The following TRDN variants were observed in gnomAD, a reference collection of about 807,000 sequenced individuals.
TRDN encodes the protein triadin.
A neutral mutation model predicts 149.7 loss-of-function variants in TRDN; 161 were observed. The observed-to-expected ratio is 1.08, with a 90% confidence interval of 0.95 to 1.23. The LOEUF (loss-of-function observed/expected upper bound fraction) is 1.23, where lower values mean the gene tolerates loss of function less well. Among genes scored for constraint, TRDN ranks in the 50% most tolerant of loss-of-function variants. TRDN has a pLI of 0.00. For synonymous variants in TRDN, 294 were observed against 250.5 expected, an observed-to-expected ratio of 1.17 and a Z score of -1.64; for missense variants, 896 against 823.5, an observed-to-expected ratio of 1.09 and a Z score of -1.08.
At chr6:123,540,120 T>G (rs530703441) in intron 4 of TRDN, among the ~76,000 whole-genome samples, 9 of 152,352 alleles carry the variant, frequency 5.9e-5, no homozygotes, top group African/African-American at 2.2e-4. Context: ...TAACCCACCC[T>G]TCATTTCCAA....
chr6:123,580,919 G>T (rs1419477906), intron 1 of TRDN, among the ~76,000 whole-genome samples: 1 of 152,106 alleles, frequency 6.6e-6, no homozygotes, highest in Non-Finnish European at 1.5e-5. Context: ...TTGAAAACTA[G>T]AATTCATTTC....
At chr6:123,362,298 C>G (rs1241854004) in intron 20 of TRDN, among the ~76,000 whole-genome samples, 2 of 152,062 alleles carry the variant, frequency 1.3e-5, no homozygotes, top group Non-Finnish European at 2.9e-5. Flanking sequence ...TCTAATCTGC[C>G]TATTTCAAAA....
At chr6:123,502,808 C>T (rs1221151910) in intron 8 of TRDN, 1 of 985,096 alleles carries the variant, frequency 1.0e-6, no homozygotes, top group Non-Finnish European at 1.2e-6. Flanking sequence ...TGCAATGTCT[C>T]CAAGAAACAC....
chr6:123,528,863 T>C, intron 5 of TRDN: 1 of 1,026,400 alleles, frequency 9.7e-7, no homozygotes, highest in South Asian at 3.8e-5. Context: ...CAACTGAAGC[T>C]CTACTTTCAC....
At chr6:123,269,964 G>A in intron 30 of TRDN, 98 bp from the exon 31 acceptor site, 2 of 1,174,568 alleles carry the variant, frequency 1.7e-6, no homozygotes, top group South Asian at 3.2e-5. Flanking sequence ...TTAGTTTTAG[G>A]TCACCTCCTT....
chr6:123,250,912 A>G (rs1233659823), intron 38 of TRDN, among the ~76,000 whole-genome samples: 2 of 152,082 alleles, frequency 1.3e-5, no homozygotes, highest in East Asian at 3.9e-4. Flanking sequence ...TCTTTCCAAC[A>G]CTACACCTCA....
rs569176445 is a variant in TRDN at position 123,216,500 on chromosome 6, A to G, written c.*2101T>C. The G allele has an allele frequency of 1.3e-5, 2 of 152,136 alleles. No homozygotes were observed. The highest frequency in any genetic ancestry group is 3.9e-4 in the East Asian group (2 of 5,152). 9.4% of individuals were successfully genotyped at this position (152,136 alleles called of 1,614,324 possible). ...CTGATTTGTCTAAATTCTAATTACA[A>G]TAAAATATATCGTTTTATCTTATCA... On this transcript the variant is annotated 3_prime_UTR_variant, in exon 41 of 41. Coordinates refer to ENST00000334268, the MANE Select transcript of TRDN (RefSeq NM_006073.4).
chr6:123,473,057 G>A (rs932576540), intron 9 of TRDN, among the ~76,000 whole-genome samples: 8 of 152,234 alleles, frequency 5.3e-5, no homozygotes, highest in Admixed American at 3.3e-4. Flanking sequence ...CCAAAGGAAC[G>A]CAGTTCCTCA....
At chr6:123,265,799 T>C (rs1776931425) in intron 32 of TRDN, among the ~76,000 whole-genome samples, 1 of 147,850 alleles carries the variant, frequency 6.8e-6, no homozygotes, top group African/African-American at 2.5e-5. Context: ...ATCCCGTATG[T>C]TGAACAATAA....
chr6:123,560,793 C>A (rs973086130), intron 2 of TRDN, among the ~76,000 whole-genome samples: 1 of 152,164 alleles, frequency 6.6e-6, no homozygotes, highest in Non-Finnish European at 1.5e-5. Context: ...GCCTCACAGG[C>A]CCATTCTATT....
intron 4 of TRDN, among the ~76,000 whole-genome samples, chr6:123,540,026 G>A (rs1304667352): frequency 6.6e-6 from 1 of 152,202 alleles, no homozygotes; most frequent in African/African-American, 2.4e-5. Context: ...ATTAGATGAT[G>A]TAGACATTTG....
intron 38 of TRDN, among the ~76,000 whole-genome samples, chr6:123,246,157 C>T (rs532949017): frequency 3.8e-4 from 58 of 152,182 alleles, no homozygotes; most frequent in African/African-American, 1.3e-3. Context: ...AATTGACACA[C>T]TAACATCACA....
At chr6:123,270,558 T>A (rs1478534274) in intron 30 of TRDN, among the ~76,000 whole-genome samples, 1 of 152,004 alleles carries the variant, frequency 6.6e-6, no homozygotes, top group African/African-American at 2.4e-5. Flanking sequence ...ATTTCAAGAC[T>A]CATAAGTTTT....
rs571431011 is a variant in TRDN at position 123,629,819 on chromosome 6, A to G, written c.22+6935T>C. Reference sequence around the variant, plus strand: ...ATGTTTAGAGAGCATTAACTTGTATAGAGCAGAGCAAGACTTTATTCATTG... The same window carrying G: ...ATGTTTAGAGAGCATTAACTTGTATGGAGCAGAGCAAGACTTTATTCATTG... On this transcript the variant is annotated intron_variant, in intron 1 of 40. Transcript: ENST00000334268. 3.3e-5 allele frequency among the ~76,000 whole-genome samples: 5 copies of G among 152,196 alleles called. No individual in the cohort carries two copies. The East Asian group carries it at 9.6e-4, about 29-fold the overall frequency.
At chr6:123,461,675 G>C (rs1776455741) in intron 10 of TRDN, among the ~76,000 whole-genome samples, 1 of 151,642 alleles carries the variant, frequency 6.6e-6, no homozygotes, top group Admixed American at 6.6e-5. Flanking sequence ...TCGGGAAGAG[G>C]GCGGGCAACA....
At chr6:123,363,387 T>A (rs1349023298) in intron 20 of TRDN, among the ~76,000 whole-genome samples, 1 of 152,190 alleles carries the variant, frequency 6.6e-6, no homozygotes, top group African/African-American at 2.4e-5. Flanking sequence ...AAAGTATCCT[T>A]TGATTTTTGT....
chr6:123,544,502 A>G (rs1008989399), intron 4 of TRDN, among the ~76,000 whole-genome samples: 14 of 152,054 alleles, frequency 9.2e-5, no homozygotes, highest in Admixed American at 4.6e-4. Context: ...CCCCTTAGAA[A>G]GTGAGGTGCT....
chr6:123,478,388 A>G (rs1777596489), intron 9 of TRDN, among the ~76,000 whole-genome samples: 2 of 152,178 alleles, frequency 1.3e-5, no homozygotes, highest in South Asian at 4.1e-4. Context: ...GCAGTTCTAG[A>G]TAGAGTACCA....
intron 34 of TRDN, 21 bp downstream of exon 34, chr6:123,260,591 T>C: frequency 6.9e-7 from 1 of 1,458,928 alleles, no homozygotes; most frequent in Admixed American, 2.8e-5. Flanking sequence ...TCTTATCTCC[T>C]CTGAAAAAGT....
Sources: allele counts gnomAD v4.1 joint callset (sites outside exome capture counted in the v4.1 genomes callset), GRCh38; gene constraint gnomAD v4.1.1; transcripts MANE v1.5; gene names NCBI Gene and HGNC (gene_info 2026-07-23, HGNC 2026-07-21).